The following PRKX variants were observed in gnomAD, a reference collection of about 807,000 sequenced individuals.
The protein encoded by PRKX is protein kinase cAMP-dependent X-linked catalytic subunit.
In PRKX, 12 loss-of-function variants were observed where a neutral mutation model predicts 22.0. The observed-to-expected ratio is 0.54, with a 90% CI of 0.35 to 0.88. The LOEUF (loss-of-function observed/expected upper bound fraction) is 0.88. PRKX is among the 40% of genes least tolerant of loss of function. PRKX has a pLI of 0.01. For synonymous variants in PRKX, 134 were observed against 137.7 expected, an observed-to-expected ratio of 0.97 and a Z score of 0.19; for missense variants, 217 against 308.0, an observed-to-expected ratio of 0.70 and a Z score of 2.21.
At chrX:3,698,182 C>T (rs1347135346) in intron 1 of PRKX, among the ~76,000 whole-genome samples, 1 of 111,616 alleles carries the variant, frequency 9.0e-6, no homozygotes, top group Non-Finnish European at 1.9e-5. Context: ...TGAAATCAGC[C>T]AAAAACCTGT....
chrX:3,631,849 C>T (rs1334132099), intron 4 of PRKX, among the ~76,000 whole-genome samples: 2 of 112,715 alleles, frequency 1.8e-5, no homozygotes, highest in Admixed American at 1.9e-4. Flanking sequence ...TCCTGAGACA[C>T]TTTGATCTCA....
rs55852694 is a variant in PRKX at position 3,675,943 on chromosome X, C to G, written c.167-1177G>C. ...TACTTTTTGTAAAGAGGGGGTCACA[C>G]TGCGTTGCTCAGGCTAGCCTTGAAC... On this transcript the variant is annotated intron_variant, in intron 1 of 8. Transcript: ENST00000262848. Among the ~76,000 whole-genome samples, 6 of 110,886 alleles carry G rather than the reference C, an allele frequency of 5.4e-5. No homozygotes were observed. The Admixed American group carries it at 5.8e-4, about 11-fold the overall frequency.
intron 2 of PRKX, among the ~76,000 whole-genome samples, chrX:3,664,936 C>T (rs967257204): frequency 1.8e-5 from 2 of 112,262 alleles, no homozygotes; most frequent in African/African-American, 3.2e-5. Context: ...ATGTACCAAA[C>T]GTCCACGTGT....
chrX:3,625,558 A>T (rs1420777878), intron 5 of PRKX, among the ~76,000 whole-genome samples: 1 of 110,167 alleles, frequency 9.1e-6, no homozygotes, highest in Non-Finnish European at 1.9e-5. Context: ...TGGGTAAGGT[A>T]GCCAGAAAAC....
intron 1 of PRKX, among the ~76,000 whole-genome samples, chrX:3,686,476 A>G (rs898980704): frequency 7.4e-5 from 8 of 108,307 alleles, no homozygotes; most frequent in African/African-American, 2.7e-4. Flanking sequence ...GCTTCAAGCA[A>G]TCTTCCACCT....
intron 4 of PRKX, among the ~76,000 whole-genome samples, chrX:3,627,780 C>T (rs768029479): frequency 2.4e-4 from 27 of 111,012 alleles, no homozygotes; most frequent in Admixed American, 1.4e-3. Flanking sequence ...GGAACTCTTA[C>T]GCAATGTTGG....
chrX:3,640,484 C>T (rs906249494), intron 4 of PRKX, among the ~76,000 whole-genome samples: 2 of 111,924 alleles, frequency 1.8e-5, no homozygotes, highest in Non-Finnish European at 3.8e-5. Context: ...GCTTCCTTTG[C>T]GTTTCTGGTC....
At chrX:3,711,837 A>G (rs1209755879) in intron 1 of PRKX, among the ~76,000 whole-genome samples, 1 of 109,678 alleles carries the variant, frequency 9.1e-6, no homozygotes, top group Non-Finnish European at 1.9e-5. Flanking sequence ...ATGCAGAGAG[A>G]CTTGAACAGA....
chrX:3,674,506 G>C, intron 2 of PRKX, 92 bp downstream of exon 2: 1 of 958,040 alleles, frequency 1.0e-6, no homozygotes, highest in South Asian at 2.3e-5. Flanking sequence ...TTGCACGCAG[G>C]CCATGGTCTC....
At chrX:3,624,177 T>C (rs1380974567) in intron 5 of PRKX, among the ~76,000 whole-genome samples, 1 of 111,466 alleles carries the variant, frequency 9.0e-6, no homozygotes, top group African/African-American at 3.3e-5. Flanking sequence ...GCCTAGGCAA[T>C]GCAGCAAGAT....
chrX:3,650,574 A>C (rs758996144), intron 3 of PRKX, among the ~76,000 whole-genome samples: 1 of 100,646 alleles, frequency 9.9e-6, no homozygotes, highest in African/African-American at 3.6e-5. Flanking sequence ...TCTTTCTGGG[A>C]TATGTTCAAA....
chrX:3,631,805 G>A (rs745817290), intron 4 of PRKX, among the ~76,000 whole-genome samples: 17 of 112,728 alleles, frequency 1.5e-4, no homozygotes, highest in African/African-American at 4.8e-4. Context: ...CCAGGAACTG[G>A]GAGAGGCAGA....
chrX:3,692,462 T>G (rs1195499167), intron 1 of PRKX, among the ~76,000 whole-genome samples: 1 of 110,210 alleles, frequency 9.1e-6, no homozygotes, highest in Non-Finnish European at 1.9e-5. Context: ...TCCAAAATGG[T>G]AGCCACAAGC....
intron 8 of PRKX, among the ~76,000 whole-genome samples, chrX:3,610,466 A>G (rs769502138): frequency 9.0e-6 from 1 of 110,994 alleles, no homozygotes; most frequent in African/African-American, 3.3e-5. Context: ...TGGGCAACCG[A>G]GCGAGACTCT....
In PRKX at chrX:3,655,424, G is replaced by C; in HGVS notation, c.336-12C>G. The C allele has an allele frequency of 8.3e-7, 1 of 1,211,914 alleles. No homozygotes were observed. Among genetic ancestry groups the C allele is most frequent in the Non-Finnish European group, 1.1e-6 (1 of 895,449 alleles). ...GCCACGTCCAGAACCTGCGGGGACA[G>C]ACAGCACATGCTCAGGGCCCCGCCA... On this transcript the variant is annotated splice_polypyrimidine_tract_variant and intron_variant, in intron 2 of 8. Transcript: ENST00000262848.
chrX:3,615,699 T>C (rs1926405294), intron 7 of PRKX, 116 bp downstream of exon 7: 5 of 620,215 alleles, frequency 8.1e-6, no homozygotes, highest in Non-Finnish European at 1.3e-5. Context: ...CAAATAGTTG[T>C]ATTATATAAA....
chrX:3,647,537 T>C (rs1299465397), intron 3 of PRKX, among the ~76,000 whole-genome samples: 1 of 105,424 alleles, frequency 9.5e-6, no homozygotes, highest in African/African-American at 3.4e-5. Context: ...AATATCTTTA[T>C]GTATTAAATT....
chrX:3,615,791 G>A (rs778514933), intron 7 of PRKX, 24 bp downstream of exon 7: 103 of 1,175,649 alleles, frequency 8.8e-5, no homozygotes, highest in Non-Finnish European at 1.0e-4. Flanking sequence ...GGCATACTGA[G>A]TCACCCACTG....
chrX:3,705,859 T>G (rs1238897389), intron 1 of PRKX, among the ~76,000 whole-genome samples: 1 of 107,423 alleles, frequency 9.3e-6, no homozygotes, highest in Non-Finnish European at 1.9e-5. Context: ...GGCTAATTTT[T>G]TTTTGTATTT....
Sources: allele counts gnomAD v4.1 joint callset (sites outside exome capture counted in the v4.1 genomes callset), GRCh38; gene constraint gnomAD v4.1.1; transcripts MANE v1.5; gene names NCBI Gene and HGNC (gene_info 2026-07-23, HGNC 2026-07-21).